ZNF100: variants seen among roughly 807,000 people sequenced by gnomAD.
The protein encoded by ZNF100 is zinc finger protein 100 (Y1).
ZNF100 carries 12 observed loss-of-function variants against 15.8 expected under a neutral mutation model. The observed-to-expected ratio is 0.76, with a 90% CI of 0.49 to 1.23. The LOEUF (loss-of-function observed/expected upper bound fraction) is 1.23. Ranked by LOEUF, ZNF100 falls within the 50% of genes most tolerant of loss-of-function variation. The probability of loss-of-function intolerance (pLI) is 0.00; values close to 1 mark genes in which losing one functional copy is unlikely to be tolerated. For synonymous variants in ZNF100, 226 were observed against 214.8 expected, an observed-to-expected ratio of 1.05 and a Z score of -0.45; for missense variants, 670 against 635.6, an observed-to-expected ratio of 1.05 and a Z score of -0.58.
intron 2 of ZNF100, among the ~76,000 whole-genome samples, chr19:21,745,840 C>A (rs546538341): frequency 6.6e-6 from 1 of 152,290 alleles, no homozygotes; most frequent in East Asian, 1.9e-4. Flanking sequence ...GAATTTCTAA[C>A]GAGCTCACTA....
chr19:21,738,666 AG>A (rs1208267852), intron 4 of ZNF100, among the ~76,000 whole-genome samples: 4 of 152,254 alleles, frequency 2.6e-5, no homozygotes, highest in African/African-American at 7.2e-5. Flanking sequence ...AAGGTGAAAA[AG>A]CCAGGTTCAG....
Position 21,767,545 on chromosome 19 carries a change from A to C in ZNF100, c.-116T>G, listed in dbSNP as rs1329366899. 4 of 1,458,136 alleles carry C rather than the reference A, an allele frequency of 2.7e-6. No homozygotes were observed. Among genetic ancestry groups the C allele is most frequent in the Admixed American group, 4.1e-5 (2 of 48,432 alleles). 90.3% of individuals were successfully genotyped at this position (1,458,136 alleles called of 1,614,324 possible). ...AGAAGACACAGAGAAGTGAGAGCAA[A>C]ACCTGGAGCTCCGGCTACAGCGAGA... On this transcript the variant is annotated 5_prime_UTR_variant, in exon 1 of 5. Transcript: ENST00000358296.
intron 2 of ZNF100, among the ~76,000 whole-genome samples, chr19:21,760,400 C>T (rs889780475): frequency 1.3e-5 from 2 of 151,248 alleles, no homozygotes; most frequent in African/African-American, 4.9e-5. Flanking sequence ...GAGGCTGAGG[C>T]GGGAGAATCG....
chr19:21,738,121 C>T (rs1470918371), intron 4 of ZNF100, among the ~76,000 whole-genome samples: 1 of 151,470 alleles, frequency 6.6e-6, no homozygotes, highest in Non-Finnish European at 1.5e-5. Context: ...TGTGGTAGCG[C>T]ACGCCTGTGA....
In ZNF100 at chr19:21,725,667, C is replaced by T. The variant is rs1442851161; in HGVS notation, c.*1016G>A. The T allele has an allele frequency of 6.6e-6, 1 of 152,148 alleles. No individual in the cohort carries two copies. Among genetic ancestry groups the T allele is most frequent in the Non-Finnish European group, 1.5e-5 (1 of 67,998 alleles). 9.4% of individuals were successfully genotyped at this position (152,148 alleles called of 1,614,324 possible). Reference sequence around the variant, plus strand: ...AAGAGTTGAATTACATTATTACTCACTTTTCAAAAAATCTAATTTTTTCAA... The same window carrying T: ...AAGAGTTGAATTACATTATTACTCATTTTTCAAAAAATCTAATTTTTTCAA... On this transcript the variant is annotated 3_prime_UTR_variant, in exon 5 of 5. Transcript: ENST00000358296.
chr19:21,765,846 T>TG, intron 1 of ZNF100, 60 bp from the exon 2 acceptor site: 1 of 1,522,908 alleles, frequency 6.6e-7, no homozygotes, highest in South Asian at 1.1e-5. Flanking sequence ...GACAGAACCA[T>TG]GGCGGATATC....
At chr19:21,735,580 C>T (rs574910515) in intron 4 of ZNF100, among the ~76,000 whole-genome samples, 36 of 151,068 alleles carry the variant, frequency 2.4e-4, no homozygotes, top group East Asian at 2.1e-3. Flanking sequence ...ATTCAAGAGA[C>T]CCATCTCACA....
intron 2 of ZNF100, among the ~76,000 whole-genome samples, chr19:21,756,896 G>C (rs2145738292): frequency 6.6e-6 from 1 of 152,270 alleles, no homozygotes; most frequent in South Asian, 2.1e-4. Flanking sequence ...GAGATGCATA[G>C]AAAAATGCAA....
At chr19:21,751,662 G>A (rs2036308461) in intron 2 of ZNF100, 3 of 1,339,848 alleles carry the variant, frequency 2.2e-6, no homozygotes, top group Non-Finnish European at 3.2e-6. Context: ...GAAATGGAAA[G>A]GCATTTTTCG....
intron 3 of ZNF100, 134 bp from the exon 4 acceptor site, chr19:21,744,249 C>G (rs1317762648): frequency 2.4e-6 from 2 of 828,616 alleles, no homozygotes; most frequent in Non-Finnish European, 3.3e-6. Context: ...AGAGAAATTT[C>G]TAAATATTTA....
At chr19:21,741,488 C>T (rs12972529) in intron 4 of ZNF100, among the ~76,000 whole-genome samples, 12,291 of 152,110 alleles carry the variant, frequency 0.081, 629 homozygotes, top group South Asian at 0.18. Flanking sequence ...AATTCTTCTG[C>T]CTCAGCCTCC....
chr19:21,732,154 G>C (rs1037669789), intron 4 of ZNF100, among the ~76,000 whole-genome samples: 1 of 151,818 alleles, frequency 6.6e-6, no homozygotes, highest in African/African-American at 2.4e-5. Context: ...CTTGGCGACA[G>C]AGCGAGACTC....
chr19:21,727,939 C>A lies in ZNF100; in HGVS notation c.373G>T (p.Asp125Tyr). ...TTCAGAATCGCTTCTTGAAAAGAAT[C>A]TTTAATGTCCTGCTCTGCCCAAAGG... ...QDLWAEQDIKDSFQEAILKKY... is the reference protein window; with the variant it reads ...QDLWAEQDIKYSFQEAILKKY... Residue 125 changes from aspartate to tyrosine, a missense_variant, in exon 5 of 5, where the codon GAT (aspartate) becomes TAT (tyrosine). Transcript: ENST00000358296. 6.3e-7 allele frequency: 1 copy of A among 1,581,240 alleles called. No individual in the cohort carries two copies. The highest frequency in any genetic ancestry group is 8.6e-7 in the Non-Finnish European group (1 of 1,166,578).
rs2035755981 is a variant in ZNF100, at chr19:21,725,239, A to G, written c.*1444T>C. The stretch of plus-strand genomic sequence containing the variant: ...TGGAATAGGTTAATGTCTGTGGCAT[A>G]ATAACACTTCACTGAATGCACAATA... On this transcript the variant is annotated 3_prime_UTR_variant, in exon 5 of 5. Coordinates refer to ENST00000358296, the MANE Select transcript of ZNF100 (RefSeq NM_173531.4). 1 of 152,178 alleles carries G rather than the reference A, an allele frequency of 6.6e-6. No homozygotes were observed. Among genetic ancestry groups the G allele is most frequent in the Admixed American group, 6.5e-5 (1 of 15,274 alleles). The allele number at this position is 152,178 out of a possible 1,614,324, so 9.4% of individuals were successfully genotyped here. A position where few individuals can be genotyped will look rare whatever the true frequency, so the allele number is the denominator to read the frequency against.
chr19:21,767,319 G>A (rs1389025915), intron 1 of ZNF100, 108 bp downstream of exon 1: 7 of 1,587,290 alleles, frequency 4.4e-6, no homozygotes, highest in Non-Finnish European at 6.0e-6. Context: ...GCAAGGCGCA[G>A]ATTGTGAAGC....
intron 4 of ZNF100, among the ~76,000 whole-genome samples, chr19:21,735,991 T>TGTTA (rs2036002374): frequency 6.6e-6 from 1 of 152,100 alleles, no homozygotes; most frequent in African/African-American, 2.4e-5. Context: ...GGTTTCACCT[T>TGTTA]GTTAGCCAGG....
At chr19:21,729,742 A>G (rs1289839793) in intron 4 of ZNF100, among the ~76,000 whole-genome samples, 2 of 152,118 alleles carry the variant, frequency 1.3e-5, no homozygotes, top group Non-Finnish European at 1.5e-5. Flanking sequence ...ATTTTTAATT[A>G]TTCTCTAAAA....
At chr19:21,757,172 A>G (rs1391726625) in intron 2 of ZNF100, among the ~76,000 whole-genome samples, 1 of 152,166 alleles carries the variant, frequency 6.6e-6, no homozygotes, top group African/African-American at 2.4e-5. Flanking sequence ...GCAAGGTGGC[A>G]CATGCCTATA....
Position 21,727,738 on chromosome 19 carries a change from A to C in ZNF100, c.574T>G (p.Ser192Ala). The C allele has an allele frequency of 6.2e-7, 1 of 1,613,880 alleles. No homozygotes were observed. The highest frequency in any genetic ancestry group is 8.5e-7 in the Non-Finnish European group (1 of 1,179,878). ...SAKVFHTFSN[S>A]NRHKIRHTRK... The stretch of plus-strand genomic sequence containing the variant: ...GTATGTCTTATCTTATGTCTGTTTG[A>C]ATTTGAAAATGTATGAAAGACTTTT... The change falls in exon 5 of 5, where the codon TCA becomes GCA. Residue 192 changes from serine (S) to alanine (A), a missense_variant. By Grantham distance (99) the Ser-to-Ala change is moderately conservative. Transcript: ENST00000358296.
Sources: gnomAD v4.1 joint callset for allele counts (sites outside exome capture counted in the v4.1 genomes callset) on GRCh38, gnomAD v4.1.1 for gene constraint, MANE v1.5 for transcripts, NCBI Gene and HGNC (gene_info 2026-07-23, HGNC 2026-07-21) for gene names.